The following NUFIP2 variants were observed in gnomAD, a reference collection of about 807,000 sequenced individuals.
NUFIP2 encodes the protein FMR1-interacting protein NUFIP2.
A neutral mutation model predicts 56.9 loss-of-function variants in NUFIP2; 6 were observed. The ratio of observed to expected loss-of-function variants is 0.11; its 90% confidence interval spans 0.06 to 0.21. NUFIP2 has a LOEUF of 0.21. Ranked by LOEUF, NUFIP2 falls within the 10% of genes least tolerant of loss-of-function variation. The pLI, the probability that NUFIP2 is intolerant of heterozygous loss-of-function variation, is 1.00. For synonymous variants in NUFIP2, 321 were observed against 298.2 expected (o/e 1.08, Z -0.79); for missense variants, 828 against 826.8 (o/e 1.00, Z -0.02).
chr17:29,271,276 C>T (rs2069070561), intron 2 of NUFIP2, among the ~76,000 whole-genome samples: 1 of 152,136 alleles, frequency 6.6e-6, no homozygotes, highest in African/African-American at 2.4e-5. Flanking sequence ...GAGGGGCTCA[C>T]ATCTGTAATC....
chr17:29,289,576 G>C (rs797959), intron 1 of NUFIP2, among the ~76,000 whole-genome samples: 62,519 of 151,766 alleles, frequency 0.41, 12,860 homozygotes, highest in East Asian at 0.54. Flanking sequence ...TGGGCAACAA[G>C]AGCAAAATTC....
chr17:29,280,114 C>T (rs1006863284), intron 2 of NUFIP2, among the ~76,000 whole-genome samples: 1 of 152,066 alleles, frequency 6.6e-6, no homozygotes, highest in African/African-American at 2.4e-5. Flanking sequence ...CATGTCCGGC[C>T]CCAGCCTATT....
intron 2 of NUFIP2, among the ~76,000 whole-genome samples, chr17:29,271,357 T>C (rs1264751486): frequency 2.0e-5 from 3 of 151,936 alleles, no homozygotes; most frequent in South Asian, 4.1e-4. Flanking sequence ...GCCAACATGG[T>C]GAAACCCCGT....
At chr17:29,283,994 GCTTGC>G in intron 2 of NUFIP2, among the ~76,000 whole-genome samples, 1 of 152,204 alleles carries the variant, frequency 6.6e-6, no homozygotes, top group African/African-American at 2.4e-5. Context: ...ATGTCTTCCA[GCTTGC>G]AGATAAGGAA....
chr17:29,276,806 T>C (rs1314913518), intron 2 of NUFIP2, among the ~76,000 whole-genome samples: 1 of 152,192 alleles, frequency 6.6e-6, no homozygotes, highest in Non-Finnish European at 1.5e-5. Flanking sequence ...CAGGAAGTAA[T>C]AATGTAACTG....
intron 1 of NUFIP2, 105 bp from the exon 2 acceptor site, chr17:29,287,821 T>C: frequency 2.8e-6 from 3 of 1,071,002 alleles, no homozygotes; most frequent in Non-Finnish European, 2.6e-6. Context: ...CACTATGCTA[T>C]GAGCTGTAGC....
At chr17:29,268,365 T>C (rs532314406) in intron 2 of NUFIP2, among the ~76,000 whole-genome samples, 54 of 152,358 alleles carry the variant, frequency 3.5e-4, no homozygotes, top group African/African-American at 1.3e-3. Context: ...AAGTATTTCT[T>C]GGTAATCCAC....
Position 29,263,729 on chromosome 17 carries a change from T to C in NUFIP2, c.*810A>G, listed in dbSNP as rs1344875260. 1 of 152,632 alleles carries C rather than the reference T, an allele frequency of 6.6e-6. No individual in the cohort carries two copies. The allele number at this position is 152,632 out of a possible 1,614,324, so 9.5% of individuals were successfully genotyped here. A position where few individuals can be genotyped will look rare whatever the true frequency, so the allele number is the denominator to read the frequency against. On this transcript the variant is annotated 3_prime_UTR_variant, in exon 4 of 4. Transcript: ENST00000225388. ...TTTCCAGATTGTATATCTAAGCCAA[T>C]TGCTTGTTCTGCAACTTTTCTTTAA...
At chr17:29,291,619 C>T (rs8080841) in intron 1 of NUFIP2, among the ~76,000 whole-genome samples, 33,948 of 152,078 alleles carry the variant, frequency 0.22, 4,216 homozygotes, top group South Asian at 0.35. Context: ...CGGTTGCTTC[C>T]ACATGTAGAG....
At chr17:29,282,871 A>G (rs1408018571) in intron 2 of NUFIP2, among the ~76,000 whole-genome samples, 1 of 152,198 alleles carries the variant, frequency 6.6e-6, no homozygotes, top group Non-Finnish European at 1.5e-5. Context: ...AACTTTAAAA[A>G]AAAAAGGCTT....
At chr17:29,269,009 T>A (rs1274792874) in intron 2 of NUFIP2, among the ~76,000 whole-genome samples, 1 of 152,026 alleles carries the variant, frequency 6.6e-6, no homozygotes, top group Admixed American at 6.5e-5. Flanking sequence ...GAGAATGCAG[T>A]TAAAAACTCT....
Position 29,258,981 on chromosome 17 carries a change from A to G in NUFIP2, c.*5558T>C, listed in dbSNP as rs2068986435. ...GAAGGATAAATGAAAACAGATTAAT[A>G]ATAGACAAACAGGGTAAACTAAAGG... On this transcript the variant is annotated 3_prime_UTR_variant, in exon 4 of 4. Transcript: ENST00000225388. The G allele has an allele frequency of 6.6e-6, 1 of 152,058 alleles. No individual in the cohort carries two copies. Among genetic ancestry groups the G allele is most frequent in the Admixed American group, 6.5e-5 (1 of 15,282 alleles). 9.4% of individuals were successfully genotyped at this position (152,058 alleles called of 1,614,324 possible).
In NUFIP2 at chr17:29,264,488, G is replaced by C. The variant is rs2069022557; in HGVS notation, c.*51C>G. The C allele has an allele frequency of 7.7e-6, 10 of 1,306,612 alleles. No homozygotes were observed. Among genetic ancestry groups the C allele is most frequent in the Non-Finnish European group, 1.1e-5 (10 of 905,350 alleles). The allele number at this position is 1,306,612 out of a possible 1,614,324, so 80.9% of individuals were successfully genotyped here. The stretch of plus-strand genomic sequence containing the variant: ...AGCATAAAAGCCTTGTGTCCCCCAT[G>C]AACGATGGCTCTAATGCTGCAGAAA... On this transcript the variant is annotated 3_prime_UTR_variant, in exon 4 of 4. Transcript: ENST00000225388.
At position 29,294,119 on chromosome 17, in the gene NUFIP2, A is replaced by G. The variant is rs1025213103; in HGVS notation, c.-60T>C. On this transcript the variant is annotated 5_prime_UTR_variant, in exon 1 of 4. Transcript: ENST00000225388. ...GGCTGCTGCACCGTCAGGATCTGAG[A>G]CTGCTTCTCAGGGCTCACTCAGTAT... 15 of 1,536,742 alleles carry G rather than the reference A, an allele frequency of 9.8e-6. No homozygotes were observed. In the Admixed American group the frequency reaches 2.7e-4, roughly 27 times the overall value.
intron 2 of NUFIP2, among the ~76,000 whole-genome samples, chr17:29,282,846 ACTT>A (rs2069148827): frequency 6.6e-6 from 1 of 151,204 alleles, no homozygotes; most frequent in Non-Finnish European, 1.5e-5. Flanking sequence ...ACTGATTATT[ACTT>A]CTTTTAGAGT....
chr17:29,293,899 G>A lies in NUFIP2; in HGVS notation c.161C>T (p.Pro54Leu), dbSNP rs1260605499. The A allele has an allele frequency of 1.2e-6, 2 of 1,613,900 alleles. No homozygotes were observed. The highest frequency in any genetic ancestry group is 1.7e-6 in the Non-Finnish European group (2 of 1,179,972). Reference protein sequence around the residue: ...NHHHHHHHQQPHQYLQHGAEG... With the variant: ...NHHHHHHHQQLHQYLQHGAEG... ...GGCTCCATGCTGCAGGTATTGGTGA[G>A]GCTGCTGGTGATGATGGTGGTGGTG... Residue 54 changes from proline to leucine, a missense_variant, in exon 1 of 4, where the codon CCT becomes CTT. Pro to Leu is a moderately conservative substitution (Grantham distance 98, BLOSUM62 -3). Transcript: ENST00000225388.
intron 2 of NUFIP2, among the ~76,000 whole-genome samples, chr17:29,284,326 CATT>C (rs1398081651): frequency 6.6e-6 from 1 of 152,194 alleles, no homozygotes; most frequent in Non-Finnish European, 1.5e-5. Flanking sequence ...CGTTAAACCT[CATT>C]ATTTGCTCTA....
At chr17:29,282,011 C>T (rs992626268) in intron 2 of NUFIP2, among the ~76,000 whole-genome samples, 1 of 151,834 alleles carries the variant, frequency 6.6e-6, no homozygotes. Flanking sequence ...ATCCACCCTC[C>T]TTGGCCTCCC....
At chr17:29,276,457 T>C (rs1295484820) in intron 2 of NUFIP2, among the ~76,000 whole-genome samples, 2 of 151,982 alleles carry the variant, frequency 1.3e-5, no homozygotes, top group African/African-American at 2.4e-5. Flanking sequence ...CTTAGTCTCC[T>C]GAGTAGCTGG....
Sources: gnomAD v4.1 joint callset for allele counts (sites outside exome capture counted in the v4.1 genomes callset) on GRCh38, gnomAD v4.1.1 for gene constraint, MANE v1.5 for transcripts, NCBI Gene and HGNC (gene_info 2026-07-23, HGNC 2026-07-21) for gene names.